Variants in TBCA observed in about 807,000 individuals in gnomAD.
TBCA encodes tubulin-specific chaperone A.
A neutral mutation model predicts 15.8 loss-of-function variants in TBCA; 6 were observed. That is an observed-to-expected ratio of 0.38 (90% CI 0.21 to 0.75). TBCA has a LOEUF of 0.75. Ranked by LOEUF, TBCA falls within the 30% of genes least tolerant of loss-of-function variation. TBCA has a pLI of 0.46. For synonymous variants in TBCA, 32 were observed against 42.3 expected (o/e 0.76, Z 0.94); for missense variants, 90 against 131.2 (o/e 0.69, Z 1.53).
At chr5:77,764,812 CAA>C (rs1283630025) in intron 1 of TBCA, among the ~76,000 whole-genome samples, 29 of 152,172 alleles carry the variant, frequency 1.9e-4, no homozygotes, top group Middle Eastern at 3.4e-3. Context: ...CCACACAACC[CAA>C]AAGTCATTGC....
At chr5:77,738,606 G>A (rs1030103225) in intron 1 of TBCA, among the ~76,000 whole-genome samples, 6 of 152,100 alleles carry the variant, frequency 3.9e-5, no homozygotes, top group South Asian at 2.1e-4. Flanking sequence ...TTTTGGAGAC[G>A]GAGTCTCGCT....
At chr5:77,716,532 G>A (rs57300854) in intron 1 of TBCA, among the ~76,000 whole-genome samples, 22,032 of 152,058 alleles carry the variant, frequency 0.14, 2,052 homozygotes, top group East Asian at 0.35. Flanking sequence ...AGTGTGCCAA[G>A]GCATGCTAAA....
At chr5:77,759,530 T>C (rs748763752) in intron 1 of TBCA, among the ~76,000 whole-genome samples, 15 of 152,158 alleles carry the variant, frequency 9.9e-5, no homozygotes, top group Non-Finnish European at 1.5e-4. Context: ...TGGGGGGCCT[T>C]TGAATTTTAT....
chr5:77,750,878 A>G (rs1480122097), intron 1 of TBCA, among the ~76,000 whole-genome samples: 1 of 152,162 alleles, frequency 6.6e-6, no homozygotes, highest in Non-Finnish European at 1.5e-5. Context: ...GGGACAACTC[A>G]AAGGCAAGGT....
At chr5:77,768,005 C>A (rs934372046) in intron 1 of TBCA, among the ~76,000 whole-genome samples, 1 of 152,184 alleles carries the variant, frequency 6.6e-6, no homozygotes, top group African/African-American at 2.4e-5. Context: ...GCCTTGGGCC[C>A]TTTAATGCTC....
chr5:77,699,055 A>AG (rs1745943807), intron 2 of TBCA, among the ~76,000 whole-genome samples: 1 of 150,952 alleles, frequency 6.6e-6, no homozygotes, highest in East Asian at 1.9e-4. Flanking sequence ...AAAAAAAAAA[A>AG]AAAGAAATAC....
chr5:77,769,811 T>C (rs959961083), intron 1 of TBCA, among the ~76,000 whole-genome samples: 10 of 152,174 alleles, frequency 6.6e-5, no homozygotes, highest in African/African-American at 2.4e-4. Context: ...ACTAACAAAA[T>C]TGCAGTGTGA....
intron 1 of TBCA, among the ~76,000 whole-genome samples, chr5:77,718,193 T>TA (rs1746446979): frequency 6.6e-6 from 1 of 152,210 alleles, no homozygotes; most frequent in African/African-American, 2.4e-5. Flanking sequence ...TACTAAAGGA[T>TA]AATACTCAGA....
At chr5:77,698,224 A>G (rs1436761513) in intron 2 of TBCA, among the ~76,000 whole-genome samples, 1 of 152,136 alleles carries the variant, frequency 6.6e-6, no homozygotes, top group African/African-American at 2.4e-5. Context: ...AGATAAAGTG[A>G]AAGGGCACAA....
chr5:77,736,448 C>T (rs926002508), intron 1 of TBCA, among the ~76,000 whole-genome samples: 2 of 152,122 alleles, frequency 1.3e-5, no homozygotes, highest in African/African-American at 4.8e-5. Flanking sequence ...AATTCCCTTG[C>T]TTTCCAAAAA....
chr5:77,707,980 T>C lies in TBCA; in HGVS notation c.159+262A>G, dbSNP rs530861164. 8.5e-4 allele frequency among the ~76,000 whole-genome samples: 129 copies of C among 152,256 alleles called. 1 individual carries two copies. Among genetic ancestry groups the C allele is most frequent in the Middle Eastern group, 3.4e-3 (1 of 294 alleles). The stretch of plus-strand genomic sequence containing the variant: ...CTGCAATGAGCCATGATCACACCAC[T>C]GCACTCCAGCCTGGATGACAGAGTG... On this transcript the variant is annotated intron_variant, in intron 2 of 3. Coordinates refer to ENST00000380377, the MANE Select transcript of TBCA (RefSeq NM_004607.3).
intron 1 of TBCA, among the ~76,000 whole-genome samples, chr5:77,756,714 C>T (rs254387): frequency 0.23 from 34,667 of 151,726 alleles, 4,675 homozygotes; most frequent in Non-Finnish European, 0.31. Context: ...CACCATTACA[C>T]ACACCAAGGT....
intron 1 of TBCA, among the ~76,000 whole-genome samples, chr5:77,711,958 GT>G (rs1746286622): frequency 1.3e-5 from 2 of 151,480 alleles, no homozygotes. Context: ...AATAGCATGT[GT>G]TGCCCTGAAA....
intron 1 of TBCA, among the ~76,000 whole-genome samples, chr5:77,758,515 C>T (rs1747531015): frequency 6.6e-6 from 1 of 152,176 alleles, no homozygotes; most frequent in African/African-American, 2.4e-5. Context: ...TCGGAGAGCT[C>T]GGATTTTAAG....
chr5:77,743,668 TG>T (rs1198552376), intron 1 of TBCA, among the ~76,000 whole-genome samples: 1 of 152,148 alleles, frequency 6.6e-6, no homozygotes, highest in African/African-American at 2.4e-5. Context: ...TGCAAGACCT[TG>T]GGACAAATGT....
intron 1 of TBCA, among the ~76,000 whole-genome samples, chr5:77,708,773 G>A (rs1746207818): frequency 1.3e-5 from 2 of 151,946 alleles, no homozygotes; most frequent in African/African-American, 4.8e-5. Context: ...GTTTCACCAT[G>A]TTAGCCAGGA....
At chr5:77,776,161 A>T in intron 1 of TBCA, 44 bp downstream of exon 1, 1 of 1,549,036 alleles carries the variant, frequency 6.5e-7, no homozygotes, top group Non-Finnish European at 8.7e-7. Flanking sequence ...GGCCGCCATG[A>T]GGTGACGAAG....
chr5:77,746,978 CAA>C (rs1747200615), intron 1 of TBCA, among the ~76,000 whole-genome samples: 1 of 151,930 alleles, frequency 6.6e-6, no homozygotes, highest in Admixed American at 6.6e-5. Context: ...ACTAAAGGAC[CAA>C]AGTCTTCTAC....
chr5:77,734,927 T>C (rs1056793395), intron 1 of TBCA, among the ~76,000 whole-genome samples: 1 of 152,218 alleles, frequency 6.6e-6, no homozygotes, highest in Non-Finnish European at 1.5e-5. Context: ...GCAAAAAGAT[T>C]ACAATTCACT....
Sources: allele counts gnomAD v4.1 joint callset (sites outside exome capture counted in the v4.1 genomes callset), GRCh38; gene constraint gnomAD v4.1.1; transcripts MANE v1.5; gene names NCBI Gene and HGNC (gene_info 2026-07-23, HGNC 2026-07-21).